The following CRYBG3 variants were observed in gnomAD, a reference collection of about 807,000 sequenced individuals.
CRYBG3 encodes the protein very large A-kinase anchor protein.
Under a neutral mutation model 244.2 loss-of-function variants are expected in CRYBG3, and 127 were observed. That is an observed-to-expected ratio of 0.52 (90% CI 0.45 to 0.60). The LOEUF (loss-of-function observed/expected upper bound fraction) is 0.60, where lower values mean the gene tolerates loss of function less well. Among genes scored for constraint, CRYBG3 ranks in the 20% least tolerant of loss-of-function variants. The pLI is 0.00. For missense variants in CRYBG3, 3,325 were observed against 3,442.5 expected (o/e 0.97, Z 0.85); for synonymous variants, 1,132 against 1,195.8 (o/e 0.95, Z 1.10).
At chr3:97,847,287 C>T (rs984565822) in intron 2 of CRYBG3, among the ~76,000 whole-genome samples, 22 of 152,158 alleles carry the variant, frequency 1.4e-4, no homozygotes, top group African/African-American at 5.3e-4. Context: ...CTAAAAACAA[C>T]AACAACAAAA....
intron 15 of CRYBG3, among the ~76,000 whole-genome samples, chr3:97,900,913 A>C (rs934177504): frequency 5.3e-5 from 8 of 152,230 alleles, no homozygotes; most frequent in Non-Finnish European, 1.2e-4. Flanking sequence ...GAGCTAGTGA[A>C]CTTGAAACCC....
intron 2 of CRYBG3, among the ~76,000 whole-genome samples, chr3:97,854,607 G>A (rs529002937): frequency 4.0e-5 from 5 of 125,960 alleles, no homozygotes; most frequent in African/African-American, 1.5e-4. Context: ...TTTTTTTTTT[G>A]CAGCTGTTGT....
At chr3:97,933,181 G>T in intron 17 of CRYBG3, 1 of 438,112 alleles carries the variant, frequency 2.3e-6, no homozygotes, top group Non-Finnish European at 4.5e-6. Context: ...TTTTAATGCA[G>T]AAATCACCAC....
chr3:97,895,683 C>G (rs545613896), intron 11 of CRYBG3, among the ~76,000 whole-genome samples: 75 of 152,284 alleles, frequency 4.9e-4, no homozygotes, highest in African/African-American at 1.8e-3. Flanking sequence ...GACCAACTTG[C>G]GCTGTAGTAT....
intron 17 of CRYBG3, among the ~76,000 whole-genome samples, chr3:97,922,420 A>T (rs184465086): frequency 1.3e-5 from 2 of 152,310 alleles, no homozygotes; most frequent in Non-Finnish European, 2.9e-5. Context: ...AATGGGAGAA[A>T]ATTTTTGCAA....
At position 97,900,382 on chromosome 3, in the gene CRYBG3, G is replaced by A. The variant is rs893468820; in HGVS notation, c.7972-71G>A. On this transcript the variant is annotated intron_variant, in intron 14 of 21. Coordinates refer to ENST00000389622, the MANE Select transcript of CRYBG3 (RefSeq NM_153605.4). The stretch of plus-strand genomic sequence containing the variant: ...AAGAAAAAAAAATTTTTTTCAAAGG[G>A]TATTTTCAAAACTTTCAAAAAGACA... 7.8e-6 allele frequency: 8 copies of A among 1,024,972 alleles called. No homozygotes were observed. In the East Asian group the frequency reaches 1.2e-4, roughly 16 times the overall value. The allele number at this position is 1,024,972 out of a possible 1,614,324, so 63.5% of individuals were successfully genotyped here.
chr3:97,919,820 G>T (rs1448102883), intron 17 of CRYBG3, among the ~76,000 whole-genome samples: 1 of 151,690 alleles, frequency 6.6e-6, no homozygotes, highest in Non-Finnish European at 1.5e-5. Context: ...AAGTTTAAAG[G>T]TACTCCATTT....
intron 3 of CRYBG3, among the ~76,000 whole-genome samples, chr3:97,869,971 A>G (rs916691838): frequency 6.6e-6 from 1 of 152,170 alleles, no homozygotes; most frequent in Non-Finnish European, 1.5e-5. Flanking sequence ...TAACTGCTTT[A>G]AAGTTGGCAA....
At chr3:97,848,956 A>G (rs2038943205) in intron 2 of CRYBG3, among the ~76,000 whole-genome samples, 1 of 152,246 alleles carries the variant, frequency 6.6e-6, no homozygotes, top group African/African-American at 2.4e-5. Context: ...TGCCCCTGCC[A>G]TTCCTGGCAC....
At chr3:97,834,937 A>G (rs554333487) in intron 1 of CRYBG3, among the ~76,000 whole-genome samples, 12 of 152,286 alleles carry the variant, frequency 7.9e-5, no homozygotes, top group Non-Finnish European at 1.6e-4. Context: ...AAAAAGCAAA[A>G]GCACACTCAT....
chr3:97,912,205 T>C lies in CRYBG3; in HGVS notation c.8043T>C (p.Cys2681=). The C allele has an allele frequency of 6.2e-7, 1 of 1,607,516 alleles. No homozygotes were observed. Among genetic ancestry groups the C allele is most frequent in the Non-Finnish European group, 8.5e-7 (1 of 1,176,846 alleles). ...AFSKPGFQGE[C]IDFTEETSDL... is the part of the protein sequence containing the mutation. ...GCAAACCAGGGTTCCAAGGTGAATG[T>C]ATAGATTTTACAGAAGAAACTTCTG... The change falls in exon 16 of 22, where the codon TGT becomes TGC. Residue 2681 remains cysteine, a synonymous_variant. Transcript: ENST00000389622.
rs2038519515 is a variant in CRYBG3 at position 97,822,622 on chromosome 3, C to T, written c.149+267C>T. ...CCCCCGATCCCCGCCTGGCTCCGCGCTCTTCCTTTCCCACTTTCCCCTGCC... is the reference window on the plus strand; with the variant it reads ...CCCCCGATCCCCGCCTGGCTCCGCGTTCTTCCTTTCCCACTTTCCCCTGCC... On this transcript the variant is annotated intron_variant, in intron 1 of 21. Coordinates refer to ENST00000389622, the MANE Select transcript of CRYBG3 (RefSeq NM_153605.4). Among the ~76,000 whole-genome samples the T allele has an allele frequency of 2.0e-5, 3 of 152,392 alleles. No homozygotes were observed. In the South Asian group the frequency reaches 6.2e-4, roughly 32 times the overall value.
chr3:97,898,799 C>A, intron 12 of CRYBG3, 84 bp from the exon 13 acceptor site: 2 of 900,462 alleles, frequency 2.2e-6, no homozygotes, highest in South Asian at 2.4e-5. Flanking sequence ...ATTACCCCAT[C>A]AGTATGTGAT....
At chr3:97,912,454 A>G (rs2039883909) in intron 16 of CRYBG3, among the ~76,000 whole-genome samples, 178 bp downstream of exon 16, 1 of 152,216 alleles carries the variant, frequency 6.6e-6, no homozygotes, top group Admixed American at 6.5e-5. Flanking sequence ...GTGATGGAAT[A>G]CAGAAAAACA....
At chr3:97,937,124 T>C (rs922368784) in intron 19 of CRYBG3, among the ~76,000 whole-genome samples, 5 of 152,104 alleles carry the variant, frequency 3.3e-5, no homozygotes, top group African/African-American at 1.2e-4. Context: ...AAAGCCTCAT[T>C]GGCCATGTTC....
In CRYBG3 at chr3:97,875,462, A is replaced by C; in HGVS notation, c.4268A>C (p.Asp1423Ala). The change falls in exon 4 of 22, where the codon GAT becomes GCT. Residue 1423 changes from aspartate (D) to alanine (A), a missense_variant. Asp to Ala is a moderately radical substitution (Grantham distance 126, BLOSUM62 -2). Coordinates refer to ENST00000389622, the MANE Select transcript of CRYBG3 (RefSeq NM_153605.4). ...LSDSINLQESDTVLLAEDMSH... is the reference protein window; with the variant it reads ...LSDSINLQESATVLLAEDMSH... ...GATAGTATAAATTTGCAGGAATCAG[A>C]TACGGTTTTACTAGCTGAAGACATG... 7.5e-7 allele frequency: 1 copy of C among 1,325,420 alleles called. No homozygotes were observed. The highest frequency in any genetic ancestry group is 1.5e-5 in the African/African-American group (1 of 66,010). 82.1% of individuals were successfully genotyped at this position (1,325,420 alleles called of 1,614,324 possible). A position where few individuals can be genotyped will look rare whatever the true frequency, so the allele number is the denominator to read the frequency against.
intron 10 of CRYBG3, among the ~76,000 whole-genome samples, chr3:97,891,146 A>G (rs1576546738): frequency 6.6e-6 from 1 of 152,182 alleles, no homozygotes; most frequent in Non-Finnish European, 1.5e-5. Flanking sequence ...TCAATAGATA[A>G]TTTATTGTTA....
At chr3:97,906,160 G>A (rs1317639638) in intron 15 of CRYBG3, among the ~76,000 whole-genome samples, 8 of 148,108 alleles carry the variant, frequency 5.4e-5, no homozygotes, top group East Asian at 2.0e-4. Flanking sequence ...TTGTAGTATC[G>A]TTTGAAGTCA....
rs1559751542 is a variant in CRYBG3 at position 97,942,459 on chromosome 3, T to C, written c.8824+16T>C. On this transcript the variant is annotated intron_variant, in intron 21 of 21. Coordinates refer to ENST00000389622, the MANE Select transcript of CRYBG3 (RefSeq NM_153605.4). Reference sequence around the variant, plus strand: ...GATGTTAAAGGTGGGCCTTTGATGATACCCAATGTTGTGTCCCTGGATATT... The same window carrying C: ...GATGTTAAAGGTGGGCCTTTGATGACACCCAATGTTGTGTCCCTGGATATT... The C allele has an allele frequency of 6.3e-7, 1 of 1,598,920 alleles. No homozygotes were observed.
Sources: allele counts gnomAD v4.1 joint callset (sites outside exome capture counted in the v4.1 genomes callset), GRCh38; gene constraint gnomAD v4.1.1; transcripts MANE v1.5; gene names NCBI Gene and HGNC (gene_info 2026-07-23, HGNC 2026-07-21).